NCKAP1L: variants seen among roughly 807,000 people sequenced by gnomAD.
NCKAP1L encodes NCK associated protein 1 like, also known as nck-associated protein 1-like.
In NCKAP1L, 53 loss-of-function variants were observed where a neutral mutation model predicts 139.2. The observed-to-expected ratio is 0.38, with a 90% CI of 0.31 to 0.48. NCKAP1L has a LOEUF of 0.48. NCKAP1L is among the 20% of genes least tolerant of loss of function. The probability of loss-of-function intolerance (pLI) is 0.98; values close to 1 mark genes in which losing one functional copy is unlikely to be tolerated. For missense variants in NCKAP1L, 1,151 were observed against 1,381.9 expected, an observed-to-expected ratio of 0.83 and a Z score of 2.65; for synonymous variants, 468 against 499.7, an observed-to-expected ratio of 0.94 and a Z score of 0.85.
rs1461156895 is a variant in NCKAP1L, at chr12:54,523,420, A to C, written c.1905A>C (p.Thr635=). The change falls in exon 19 of 31, where the codon ACA becomes ACC. Residue 635 remains threonine (T), a synonymous_variant. Transcript: ENST00000293373. ...TTCTACCTAAGCACTGTGCCACTAC[A>C]ATCAGCAAAGCCAAGAACAAGAAAA... ...EQLLPKHCAT[T]ISKAKNKKTR... 1.2e-6 allele frequency: 2 copies of C among 1,614,176 alleles called. No homozygotes were observed. The highest frequency in any genetic ancestry group is 1.7e-6 in the Non-Finnish European group (2 of 1,180,012).
At chr12:54,511,077 C>G (rs181578088) in intron 7 of NCKAP1L, among the ~76,000 whole-genome samples, 1 of 152,312 alleles carries the variant, frequency 6.6e-6, no homozygotes, top group South Asian at 2.1e-4. Context: ...ACTGATGGTA[C>G]ATGATTAGTG....
At position 54,532,170 on chromosome 12, in the gene NCKAP1L, G is replaced by T; in HGVS notation, c.2782G>T (p.Val928Phe). 6.2e-7 allele frequency: 1 copy of T among 1,610,504 alleles called. No individual in the cohort carries two copies. The highest frequency in any genetic ancestry group is 8.5e-7 in the Non-Finnish European group (1 of 1,178,318). The change falls in exon 26 of 31, where the codon GTT becomes TTT. Residue 928 changes from valine (V) to phenylalanine (F), a missense_variant and splice_region_variant. Physicochemically the swap from Val to Phe is conservative, Grantham distance 50 (BLOSUM62 -1). Coordinates refer to ENST00000293373, the MANE Select transcript of NCKAP1L (RefSeq NM_005337.5). ...RAMAQEGLREVFSSHCPFLMG... is the reference protein window; with the variant it reads ...RAMAQEGLREFFSSHCPFLMG... ...CTCATTTATCTTCTCTTTCCTCCAGGTTTTCTCCTCCCACTGCCCATTTCT... is the reference window on the plus strand; with the variant it reads ...CTCATTTATCTTCTCTTTCCTCCAGTTTTTCTCCTCCCACTGCCCATTTCT...
chr12:54,518,486 G>T, intron 13 of NCKAP1L, 165 bp from the exon 14 acceptor site: 1 of 695,788 alleles, frequency 1.4e-6, no homozygotes, highest in South Asian at 1.5e-5. Context: ...TGTTAGAATG[G>T]CAGGGAACCC....
Position 54,518,740 on chromosome 12 carries a change from G to A in NCKAP1L, c.1420+8G>A, listed in dbSNP as rs768728102. ...CTCTGAATCTCAAACAAGGTAACTGGAGGGAGGTGGGGGAGGCAGGACATA... is the reference window on the plus strand; with the variant it reads ...CTCTGAATCTCAAACAAGGTAACTGAAGGGAGGTGGGGGAGGCAGGACATA... On this transcript the variant is annotated splice_region_variant and intron_variant, in intron 14 of 30. Transcript: ENST00000293373. The A allele has an allele frequency of 1.2e-6, 2 of 1,609,102 alleles. No homozygotes were observed. The highest frequency in any genetic ancestry group is 1.1e-5 in the South Asian group (1 of 90,964).
intron 29 of NCKAP1L, 101 bp from the exon 30 acceptor site, chr12:54,538,783 C>T (rs1957133399): frequency 1.1e-6 from 1 of 879,340 alleles, no homozygotes; most frequent in Non-Finnish European, 1.8e-6. Context: ...CATTCTAGCA[C>T]TTCTTAACTC....
chr12:54,503,017 A>AG (rs1489391027), intron 3 of NCKAP1L, among the ~76,000 whole-genome samples: 6 of 151,120 alleles, frequency 4.0e-5, no homozygotes, highest in Non-Finnish European at 7.4e-5. Context: ...AAAAAAAAAA[A>AG]AAGAAACAAA....
At chr12:54,498,965 G>T (rs557193540) in intron 1 of NCKAP1L, 1 of 272,848 alleles carries the variant, frequency 3.7e-6, no homozygotes, top group Non-Finnish European at 5.2e-6. Context: ...TCGCTCTGTC[G>T]CCCAGGCTGG....
At chr12:54,526,824 C>T (rs112324212) in intron 21 of NCKAP1L, 78 bp downstream of exon 21, 102 of 1,273,346 alleles carry the variant, frequency 8.0e-5, no homozygotes, top group Admixed American at 1.2e-4. Context: ...CCTCAGGGCC[C>T]GAGCATTTTA....
At position 54,497,839 on chromosome 12, in the gene NCKAP1L, T is replaced by A; in HGVS notation, c.50T>A (p.Ile17Asn). Residue 17 changes from isoleucine (I) to asparagine (N), a missense_variant, in exon 1 of 31, where the codon ATC becomes AAC. Transcript: ENST00000293373. ...YQHKLAEKLT[I>N]LNDRGQGVLI... ...CATAAATTAGCAGAGAAGCTCACTATCCTGAATGATCGCGGTCAGGGGGTT... is the reference window on the plus strand; with the variant it reads ...CATAAATTAGCAGAGAAGCTCACTAACCTGAATGATCGCGGTCAGGGGGTT... The A allele has an allele frequency of 6.2e-7, 1 of 1,613,982 alleles. No homozygotes were observed. Among genetic ancestry groups the A allele is most frequent in the South Asian group, 1.1e-5 (1 of 91,084 alleles).
intron 11 of NCKAP1L, among the ~76,000 whole-genome samples, chr12:54,517,247 A>T (rs1385341185): frequency 6.6e-6 from 1 of 152,210 alleles, no homozygotes; most frequent in African/African-American, 2.4e-5. Flanking sequence ...TGAATTGGAG[A>T]CAGAGCTTGT....
At chr12:54,510,120 G>C in intron 7 of NCKAP1L, 135 bp downstream of exon 7, 1 of 1,233,136 alleles carries the variant, frequency 8.1e-7, no homozygotes, top group Non-Finnish European at 1.1e-6. Context: ...TCTCTAAGTT[G>C]AGCACTTCTT....
rs915930408 is a variant in NCKAP1L at position 54,517,456 on chromosome 12, T to G, written c.1096-77T>G. 26 of 943,906 alleles carry G rather than the reference T, an allele frequency of 2.8e-5. No homozygotes were observed. In the Admixed American group the frequency reaches 3.1e-4, roughly 11 times the overall value. The allele number at this position is 943,906 out of a possible 1,614,324, so 58.5% of individuals were successfully genotyped here. A position where few individuals can be genotyped will look rare whatever the true frequency, so the allele number is the denominator to read the frequency against. On this transcript the variant is annotated intron_variant, in intron 11 of 30. Coordinates refer to ENST00000293373, the MANE Select transcript of NCKAP1L (RefSeq NM_005337.5). ...TACACAATTACATCCATACCTATAT[T>G]ATCATGGTAGTTTACTCTGTGCTTT... is the stretch of plus-strand genomic sequence containing the variant.
chr12:54,509,812 G>A, intron 6 of NCKAP1L, 36 bp from the exon 7 acceptor site: 1 of 1,614,162 alleles, frequency 6.2e-7, no homozygotes, highest in Non-Finnish European at 8.5e-7. Context: ...TTGTCCTCAT[G>A]ATTGCCGCTA....
Position 54,531,566 on chromosome 12 carries a change from C to G in NCKAP1L, c.2680C>G (p.Leu894Val). Reference protein sequence around the residue: ...NFSKPDLMASLLPQLTGAENV... With the variant: ...NFSKPDLMASVLPQLTGAENV... ...TAGCAAGCCGGACTTGATGGCTTCC[C>G]TGCTGCCCCAGCTGACAGGTAAGCA... is the stretch of plus-strand genomic sequence containing the variant. The change falls in exon 24 of 31, where the codon CTG (leucine) becomes GTG (valine). Residue 894 changes from leucine (L) to valine (V), a missense_variant. Transcript: ENST00000293373. 1 of 1,614,168 alleles carries G rather than the reference C, an allele frequency of 6.2e-7. No individual in the cohort carries two copies. The highest frequency in any genetic ancestry group is 8.5e-7 in the Non-Finnish European group (1 of 1,180,030).
Position 54,534,334 on chromosome 12 carries a change from A to G in NCKAP1L, c.2863-770A>G, listed in dbSNP as rs1241038102. Among the ~76,000 whole-genome samples, 4 of 152,234 alleles carry G rather than the reference A, an allele frequency of 2.6e-5. No individual in the cohort carries two copies. In the East Asian group the frequency reaches 5.8e-4, roughly 22 times the overall value. Reference sequence around the variant, plus strand: ...CACACACTTAATAAGTGGTGTTGCTAGGACTTGAACCCAGATCTGTCTCAC... The same window carrying G: ...CACACACTTAATAAGTGGTGTTGCTGGGACTTGAACCCAGATCTGTCTCAC... On this transcript the variant is annotated intron_variant, in intron 26 of 30. Transcript: ENST00000293373.
intron 18 of NCKAP1L, among the ~76,000 whole-genome samples, chr12:54,522,868 T>A (rs1379656431): frequency 6.6e-6 from 1 of 151,896 alleles, no homozygotes; most frequent in Non-Finnish European, 1.5e-5. Context: ...TAGCAAGAAA[T>A]ATGCTACTTA....
intron 20 of NCKAP1L, among the ~76,000 whole-genome samples, chr12:54,525,392 G>T (rs1003390140): frequency 6.6e-6 from 1 of 152,194 alleles, no homozygotes; most frequent in Non-Finnish European, 1.5e-5. Context: ...TTACATACAC[G>T]TTAACTATAA....
rs138529525 is a variant in NCKAP1L at position 54,500,595 on chromosome 12, C to T, written c.276C>T (p.Tyr92=). The T allele has an allele frequency of 2.6e-3, 4,122 of 1,611,626 alleles. 4 individuals are homozygous for T. The highest frequency in any genetic ancestry group is 3.1e-3 in the Non-Finnish European group (3,672 of 1,178,064). Residue 92 remains tyrosine (Y), a synonymous_variant, in exon 3 of 31, where the codon TAC becomes TAT. Transcript: ENST00000293373. ...AEIIRFLTNY[Y]QSFVDVMEFR... ...TAATTAGATTCCTCACCAACTACTA[C>T]CAGTCATTTGTGGATGTCATGGAAT...
intron 15 of NCKAP1L, 50 bp from the exon 16 acceptor site, chr12:54,519,137 C>T: frequency 6.4e-7 from 1 of 1,556,330 alleles, no homozygotes; most frequent in Non-Finnish European, 8.6e-7. Flanking sequence ...GGCTGGGGGC[C>T]TTTTTCATTC....
Sources: gnomAD v4.1 joint callset for allele counts (sites outside exome capture counted in the v4.1 genomes callset) on GRCh38, gnomAD v4.1.1 for gene constraint, MANE v1.5 for transcripts, NCBI Gene and HGNC (gene_info 2026-07-23, HGNC 2026-07-21) for gene names.